The following KCNJ3 variants were observed in gnomAD, a reference collection of about 807,000 sequenced individuals.
KCNJ3 encodes G protein-activated inward rectifier potassium channel 1.
In KCNJ3, 4 loss-of-function variants were observed where a neutral mutation model predicts 39.2. The ratio of observed to expected loss-of-function variants is 0.10; its 90% confidence interval spans 0.05 to 0.23. KCNJ3 has a LOEUF of 0.23. Among genes scored for constraint, KCNJ3 ranks in the 10% least tolerant of loss-of-function variants. The pLI is 1.00. For missense variants in KCNJ3, 276 were observed against 634.9 expected (o/e 0.43, Z 6.08); for synonymous variants, 230 against 237.4 (o/e 0.97, Z 0.29).
chr2:154,826,676 C>T (rs1235110685), intron 2 of KCNJ3, among the ~76,000 whole-genome samples: 1 of 152,070 alleles, frequency 6.6e-6, no homozygotes, highest in Non-Finnish European at 1.5e-5. Flanking sequence ...CGGGGTTGTC[C>T]CGCCATGAGA....
chr2:154,758,408 C>T (rs950900562), intron 2 of KCNJ3, among the ~76,000 whole-genome samples: 1 of 152,114 alleles, frequency 6.6e-6, no homozygotes, highest in Admixed American at 6.6e-5. Context: ...GCTGAAGTTT[C>T]TGATATAAAA....
At chr2:154,798,190 A>ACG (rs902698893) in intron 2 of KCNJ3, among the ~76,000 whole-genome samples, 2 of 114,952 alleles carry the variant, frequency 1.7e-5, no homozygotes, top group African/African-American at 5.9e-5. Context: ...CGAACACCGC[A>ACG]CACACACACA....
chr2:154,730,976 AT>A (rs1212274611), intron 2 of KCNJ3, among the ~76,000 whole-genome samples: 2 of 152,158 alleles, frequency 1.3e-5, no homozygotes, highest in African/African-American at 4.8e-5. Context: ...TAAGAATATA[AT>A]TCATTTAGAC....
intron 2 of KCNJ3, among the ~76,000 whole-genome samples, chr2:154,833,279 C>G (rs1353321283): frequency 6.6e-6 from 1 of 152,230 alleles, no homozygotes; most frequent in Non-Finnish European, 1.5e-5. Flanking sequence ...TCACCACTTA[C>G]AAACTGTGAG....
At chr2:154,715,685 A>T (rs1685169629) in intron 2 of KCNJ3, among the ~76,000 whole-genome samples, 1 of 152,192 alleles carries the variant, frequency 6.6e-6, no homozygotes, top group Non-Finnish European at 1.5e-5. Context: ...CAGATATATT[A>T]TTCTTGTGCT....
chr2:154,698,814 G>C lies in KCNJ3; in HGVS notation c.39G>C (p.Gln13His). ...GAAGGAAATTTGGGGACGATTATCA[G>C]GTAGTGACCACATCGTCCAGCGGCT... Reference protein sequence around the residue: ...ALRRKFGDDYQVVTTSSSGSG... With the variant: ...ALRRKFGDDYHVVTTSSSGSG... The change falls in exon 1 of 3, where the codon CAG (glutamine) becomes CAC (histidine). Residue 13 changes from glutamine (Q) to histidine (H), a missense_variant. By Grantham distance (24) the Gln-to-His change is conservative. Around this residue, in one of 4 missense-constraint regions of KCNJ3, gnomAD observed 27 missense variants for 48.5 expected, o/e 0.56. Transcript: ENST00000295101. 6 of 1,613,822 alleles carry C rather than the reference G, an allele frequency of 3.7e-6. No homozygotes were observed. The highest frequency in any genetic ancestry group is 5.1e-6 in the Non-Finnish European group (6 of 1,179,826).
At chr2:154,817,328 T>A (rs1382724316) in intron 2 of KCNJ3, among the ~76,000 whole-genome samples, 2 of 152,172 alleles carry the variant, frequency 1.3e-5, no homozygotes, top group East Asian at 3.9e-4. Flanking sequence ...GAGCCTTCAA[T>A]GTCTGATGGA....
Position 154,781,929 on chromosome 2 carries a change from G to T in KCNJ3, c.919+72110G>T, listed in dbSNP as rs1017242364. Among the ~76,000 whole-genome samples the T allele has an allele frequency of 3.3e-5, 5 of 152,242 alleles. No individual in the cohort carries two copies. In the East Asian group the frequency reaches 5.8e-4, roughly 18 times the overall value. On this transcript the variant is annotated intron_variant, in intron 2 of 2. Coordinates refer to ENST00000295101, the MANE Select transcript of KCNJ3 (RefSeq NM_002239.4). ...TAATTAGGCTGGTTTAACAAATGGC[G>T]AACTGGTCTCTAAGTTCAGTGGTTT...
chr2:154,708,803 C>G (rs577734922), intron 1 of KCNJ3, among the ~76,000 whole-genome samples: 1 of 152,036 alleles, frequency 6.6e-6, no homozygotes, highest in Non-Finnish European at 1.5e-5. Flanking sequence ...TGATTTATAC[C>G]GAAACTGAAT....
intron 2 of KCNJ3, among the ~76,000 whole-genome samples, chr2:154,811,010 T>G (rs1687000027): frequency 6.6e-6 from 1 of 152,224 alleles, no homozygotes; most frequent in South Asian, 2.1e-4. Flanking sequence ...CTTGTCCAAA[T>G]GAAAATAGGA....
intron 1 of KCNJ3, among the ~76,000 whole-genome samples, chr2:154,704,315 T>C (rs1186005531): frequency 1.3e-5 from 2 of 152,012 alleles, no homozygotes; most frequent in Admixed American, 1.3e-4. Flanking sequence ...ATTTAATAGA[T>C]TGGAGGGTAT....
At chr2:154,805,387 T>C (rs1331086577) in intron 2 of KCNJ3, among the ~76,000 whole-genome samples, 2 of 152,252 alleles carry the variant, frequency 1.3e-5, no homozygotes, top group East Asian at 3.9e-4. Context: ...GGAGAAATCT[T>C]GTGAAGTATT....
intron 2 of KCNJ3, among the ~76,000 whole-genome samples, chr2:154,798,281 A>G (rs943133077): frequency 6.6e-6 from 1 of 152,084 alleles, no homozygotes; most frequent in Non-Finnish European, 1.5e-5. Context: ...AATGAAAGAC[A>G]TATGGTTAAA....
intron 2 of KCNJ3, among the ~76,000 whole-genome samples, chr2:154,833,540 C>T (rs892370623): frequency 6.6e-6 from 1 of 152,138 alleles, no homozygotes; most frequent in African/African-American, 2.4e-5. Flanking sequence ...CACACTGACA[C>T]ATCATTATTC....
At chr2:154,725,395 G>A (rs1685336712) in intron 2 of KCNJ3, among the ~76,000 whole-genome samples, 1 of 151,240 alleles carries the variant, frequency 6.6e-6, no homozygotes, top group Admixed American at 6.6e-5. Context: ...AATGGGAATA[G>A]CTTCTCCACA....
chr2:154,779,518 T>A (rs1258844346), intron 2 of KCNJ3, among the ~76,000 whole-genome samples: 2 of 140,932 alleles, frequency 1.4e-5, no homozygotes, highest in African/African-American at 2.5e-5. Flanking sequence ...TTATATATAT[T>A]TTTTATATAT....
Position 154,796,491 on chromosome 2 carries a change from C to T in KCNJ3, c.920-58236C>T, listed in dbSNP as rs748420189. 6.6e-5 allele frequency among the ~76,000 whole-genome samples: 10 copies of T among 152,058 alleles called. No homozygotes were observed. In the South Asian group the frequency reaches 8.3e-4, roughly 13 times the overall value. ...CACCTGACCACCTTACTAAATGAAG[C>T]GATACCTTTTGGGCATTACTCAGTT... On this transcript the variant is annotated intron_variant, in intron 2 of 2. Coordinates refer to ENST00000295101, the MANE Select transcript of KCNJ3 (RefSeq NM_002239.4).
At chr2:154,798,220 ACG>A (rs34608891) in intron 2 of KCNJ3, among the ~76,000 whole-genome samples, 53,425 of 131,884 alleles carry the variant, frequency 0.41, 10,240 homozygotes, top group Middle Eastern at 0.51. Flanking sequence ...ACACACACAC[ACG>A]CACAGAGTCT....
chr2:154,775,140 C>A (rs1686310871), intron 2 of KCNJ3, among the ~76,000 whole-genome samples: 1 of 152,168 alleles, frequency 6.6e-6, no homozygotes, highest in African/African-American at 2.4e-5. Flanking sequence ...TGGTCTCAAA[C>A]TCCTAGGCTC....
Sources: gnomAD v4.1 joint callset for allele counts (sites outside exome capture counted in the v4.1 genomes callset) on GRCh38, gnomAD v4.1.1 for gene constraint, gnomAD v4.1.1 regional missense constraint, MANE v1.5 for transcripts, NCBI Gene and HGNC (gene_info 2026-07-23, HGNC 2026-07-21) for gene names.